UST: variants seen among roughly 807,000 people sequenced by gnomAD.
The protein encoded by UST is uronyl 2-sulfotransferase.
Under a neutral mutation model 45.6 loss-of-function variants are expected in UST, and 21 were observed. The ratio of observed to expected loss-of-function variants is 0.46; its 90% confidence interval spans 0.33 to 0.66. UST has a LOEUF of 0.66. Ranked by LOEUF, UST falls within the 30% of genes least tolerant of loss-of-function variation. The pLI, the probability that UST is intolerant of heterozygous loss-of-function variation, is 0.02. For synonymous variants in UST, 215 were observed against 200.6 expected (o/e 1.07, Z -0.61); for missense variants, 463 against 512.4 (o/e 0.90, Z 0.93).
intron 7 of UST, among the ~76,000 whole-genome samples, chr6:149,033,707 C>G (rs1776189760): frequency 6.6e-6 from 1 of 152,192 alleles, no homozygotes; most frequent in Non-Finnish European, 1.5e-5. Flanking sequence ...TTTACCATAG[C>G]ATACGCTTCT....
Position 148,915,596 on chromosome 6 carries a change from G to A in UST, c.292-25683G>A, listed in dbSNP as rs572074019. ...TGGGAAGCTGTCAAAATATTAATAAGGTATTTCAAAGACTTTGGGCAGCCA... is the reference window on the plus strand; with the variant it reads ...TGGGAAGCTGTCAAAATATTAATAAAGTATTTCAAAGACTTTGGGCAGCCA... On this transcript the variant is annotated intron_variant, in intron 2 of 7. Transcript: ENST00000367463. 3.9e-5 allele frequency among the ~76,000 whole-genome samples: 6 copies of A among 152,230 alleles called. No individual in the cohort carries two copies. The South Asian group carries it at 1.2e-3, about 32-fold the overall frequency.
intron 7 of UST, among the ~76,000 whole-genome samples, chr6:149,044,383 T>C (rs1776368176): frequency 6.6e-6 from 1 of 152,198 alleles, no homozygotes; most frequent in Non-Finnish European, 1.5e-5. Flanking sequence ...GTGGCCTCCA[T>C]TATGGTATTG....
At chr6:148,956,002 A>G (rs995416540) in intron 4 of UST, 1 of 152,212 alleles carries the variant, frequency 6.6e-6, no homozygotes, top group African/African-American at 2.4e-5. Context: ...AGGAAAAAAA[A>G]TGATAAATGC....
At chr6:148,976,309 G>A (rs1372267840) in intron 5 of UST, among the ~76,000 whole-genome samples, 2 of 152,192 alleles carry the variant, frequency 1.3e-5, no homozygotes, top group African/African-American at 4.8e-5. Flanking sequence ...GCCAATTTCT[G>A]TGGTGTCAAT....
intron 6 of UST, among the ~76,000 whole-genome samples, chr6:149,019,651 C>T (rs913853154): frequency 2.6e-5 from 4 of 152,348 alleles, no homozygotes; most frequent in East Asian, 3.9e-4. Context: ...AACCTGCCCT[C>T]GTAGCATGTG....
In UST at chr6:149,076,213, A is replaced by G. The variant is rs1334370149; in HGVS notation, c.*2097A>G. 3.3e-5 allele frequency: 5 copies of G among 152,272 alleles called. No homozygotes were observed. Among genetic ancestry groups the G allele is most frequent in the Non-Finnish European group, 4.4e-5 (3 of 68,066 alleles). 9.4% of individuals were successfully genotyped at this position (152,272 alleles called of 1,614,324 possible). ...TACTTTCAGAAGCAACCTGGAGAACAGCTATCAATCATATTCAAAACCAGT... is the reference window on the plus strand; with the variant it reads ...TACTTTCAGAAGCAACCTGGAGAACGGCTATCAATCATATTCAAAACCAGT... On this transcript the variant is annotated 3_prime_UTR_variant, in exon 8 of 8. Coordinates refer to ENST00000367463, the MANE Select transcript of UST (RefSeq NM_005715.3).
At chr6:148,832,708 T>A (rs1026091177) in intron 1 of UST, among the ~76,000 whole-genome samples, 4 of 152,244 alleles carry the variant, frequency 2.6e-5, no homozygotes, top group Non-Finnish European at 4.4e-5. Context: ...TCCAGTGGCA[T>A]GAGCCTTAGG....
At chr6:148,913,215 C>A (rs1242358527) in intron 2 of UST, among the ~76,000 whole-genome samples, 2 of 152,108 alleles carry the variant, frequency 1.3e-5, no homozygotes, top group African/African-American at 4.8e-5. Context: ...CAAGGAAAAT[C>A]CCGTCCCTGG....
chr6:148,759,369 A>G (rs1450009437), intron 1 of UST, among the ~76,000 whole-genome samples: 2 of 150,008 alleles, frequency 1.3e-5, no homozygotes, highest in Non-Finnish European at 3.0e-5. Context: ...ACTAAAAAAT[A>G]CAAAAAAATT....
chr6:148,791,134 C>T (rs1381325936), intron 1 of UST, among the ~76,000 whole-genome samples: 4 of 152,198 alleles, frequency 2.6e-5, no homozygotes, highest in South Asian at 2.1e-4. Flanking sequence ...CTCCAGGTGA[C>T]ATTTGGCATT....
At position 148,747,583 on chromosome 6, in the gene UST, C is replaced by T. The variant is rs1029643186; in HGVS notation, c.153C>T (p.Cys51=). ...TCTCCCTCCGGGACTACGGCTTCTGCATGGCCACCCTGCTGGTCTTCTGCC... is the reference window on the plus strand; with the variant it reads ...TCTCCCTCCGGGACTACGGCTTCTGTATGGCCACCCTGCTGGTCTTCTGCC... ...LRFSLRDYGF[C]MATLLVFCLG... is the part of the protein sequence containing the mutation. Residue 51 remains cysteine (C), a synonymous_variant, in exon 1 of 8, where the codon TGC becomes TGT. Transcript: ENST00000367463. 1.5e-5 allele frequency: 24 copies of T among 1,592,408 alleles called. No homozygotes were observed. Among genetic ancestry groups the T allele is most frequent in the East Asian group, 4.6e-5 (2 of 43,386 alleles).
chr6:148,762,878 C>T (rs138903468), intron 1 of UST, among the ~76,000 whole-genome samples: 7 of 152,268 alleles, frequency 4.6e-5, no homozygotes, highest in Non-Finnish European at 8.8e-5. Flanking sequence ...TGTATATAGA[C>T]CACATTTTCT....
rs541127131 is a variant in UST, at chr6:148,760,705, GCAAAACAAAA to G, written c.247+13054_247+13063del. ...TCAACAGTAACACCCCATAACCATA[GCAAAACAAAA>G]CAAAACAAAACAAAACAAAACAAAA... is the stretch of plus-strand genomic sequence containing the variant. On this transcript the variant is annotated intron_variant, in intron 1 of 7. Transcript: ENST00000367463. 6.5e-3 allele frequency among the ~76,000 whole-genome samples: 967 copies of G among 149,732 alleles called. 8 individuals are homozygous for G. The highest frequency in any genetic ancestry group is 0.022 in the African/African-American group (897 of 40,744).
intron 5 of UST, among the ~76,000 whole-genome samples, chr6:149,018,728 A>C (rs141915813): frequency 6.6e-6 from 1 of 152,328 alleles, no homozygotes; most frequent in Non-Finnish European, 1.5e-5. Context: ...TGTTGGATGC[A>C]TGGATACACA....
At chr6:148,872,489 G>GTTCT (rs1160632218) in intron 1 of UST, among the ~76,000 whole-genome samples, 5,722 of 152,186 alleles carry the variant, frequency 0.038, 382 homozygotes, top group African/African-American at 0.13. Flanking sequence ...GCTTCATTCA[G>GTTCT]CAGTCTTCAG....
chr6:149,036,963 G>A (rs981243390), intron 7 of UST, among the ~76,000 whole-genome samples: 2 of 152,194 alleles, frequency 1.3e-5, no homozygotes, highest in African/African-American at 4.8e-5. Flanking sequence ...GAGGCAGAGC[G>A]TATGACCATT....
rs529895596 is a variant in UST at position 148,934,656 on chromosome 6, T to C, written c.292-6623T>C. Among the ~76,000 whole-genome samples the C allele has an allele frequency of 1.9e-4, 29 of 152,190 alleles. No homozygotes were observed. The highest frequency in any genetic ancestry group is 7.0e-4 in the African/African-American group (29 of 41,516). Reference sequence around the variant, plus strand: ...CAGGCAACCTTCTCCCCAGCCTTAATCCCTCAGAAGGCTTCAAGGACCCAC... The same window carrying C: ...CAGGCAACCTTCTCCCCAGCCTTAACCCCTCAGAAGGCTTCAAGGACCCAC... On this transcript the variant is annotated intron_variant, in intron 2 of 7. Coordinates refer to ENST00000367463, the MANE Select transcript of UST (RefSeq NM_005715.3). The surrounding 1 kb of genome is among the most constrained non-coding windows in gnomAD (Gnocchi z 4.1).
intron 7 of UST, among the ~76,000 whole-genome samples, chr6:149,052,697 C>T (rs1383514590): frequency 1.3e-5 from 2 of 152,174 alleles, no homozygotes; most frequent in Non-Finnish European, 1.5e-5. Flanking sequence ...TGTTATTCTG[C>T]TGAATTCTCA....
chr6:148,858,509 T>TA (rs398110808), intron 1 of UST, among the ~76,000 whole-genome samples: 6 of 151,770 alleles, frequency 4.0e-5, no homozygotes, highest in Non-Finnish European at 7.4e-5. Context: ...TTTTTTTTTT[T>TA]AATTATACTT....
Sources: allele counts gnomAD v4.1 joint callset (sites outside exome capture counted in the v4.1 genomes callset), GRCh38; gene constraint gnomAD v4.1.1; non-coding constraint Gnocchi (gnomAD v3.1); transcripts MANE v1.5; gene names NCBI Gene and HGNC (gene_info 2026-07-23, HGNC 2026-07-21).